Variants in MARK4 observed in about 807,000 individuals in gnomAD.
MARK4 encodes MAP/microtubule affinity-regulating kinase 4.
Under a neutral mutation model 81.5 loss-of-function variants are expected in MARK4, and 19 were observed. The observed-to-expected ratio is 0.23, with a 90% CI of 0.16 to 0.34. MARK4 has a LOEUF of 0.34. Ranked by LOEUF, MARK4 falls within the 10% of genes least tolerant of loss-of-function variation. The pLI, the probability that MARK4 is intolerant of heterozygous loss-of-function variation, is 1.00. For synonymous variants in MARK4, 436 were observed against 439.0 expected (o/e 0.99, Z 0.08); for missense variants, 772 against 1,058.8 (o/e 0.73, Z 3.76).
chr19:45,287,219 A>T (rs1970754421), intron 12 of MARK4, among the ~76,000 whole-genome samples: 1 of 151,864 alleles, frequency 6.6e-6, no homozygotes, highest in Non-Finnish European at 1.5e-5. Context: ...AAAAAAAAAA[A>T]AAAGAAGGTG....
At position 45,258,717 on chromosome 19, in the gene MARK4, CAAG is replaced by C. The variant is rs535850782; in HGVS notation, c.52-271_52-269del. Among the ~76,000 whole-genome samples, 6 of 151,160 alleles carry C rather than the reference CAAG, an allele frequency of 4.0e-5. No homozygotes were observed. In the South Asian group the frequency reaches 1.3e-3, roughly 32 times the overall value. On this transcript the variant is annotated intron_variant, in intron 1 of 16. Transcript: ENST00000262891. ...TCCATCCGAAGGAAAAAAAAAAAGA[CAAG>C]GAGGTTGGGGGTAGTCAGACTGCAG...
At chr19:45,295,358 C>CA (rs888838866) in intron 14 of MARK4, among the ~76,000 whole-genome samples, 13 of 143,832 alleles carry the variant, frequency 9.0e-5, no homozygotes, top group Middle Eastern at 3.5e-3. Flanking sequence ...GACTCCATCT[C>CA]AAAAAAAAAA....
rs905015510 is a variant in MARK4 at position 45,302,906 on chromosome 19, G to A, written c.*196G>A. On this transcript the variant is annotated 3_prime_UTR_variant, in exon 17 of 17. Transcript: ENST00000262891. The surrounding 1 kb of genome is among the most constrained non-coding windows in gnomAD (Gnocchi z 4.9). ...AGAAGAAGGATGAGGGGGCTCAGCG[G>A]GGGGAGCTGGCACCTTCCTGGAGCC... The A allele has an allele frequency of 1.2e-6, 1 of 840,446 alleles. No homozygotes were observed. The highest frequency in any genetic ancestry group is 1.7e-6 in the Non-Finnish European group (1 of 575,102). 52.1% of individuals were successfully genotyped at this position (840,446 alleles called of 1,614,324 possible).
chr19:45,277,315 C>T (rs900427992), intron 8 of MARK4, among the ~76,000 whole-genome samples: 5 of 151,990 alleles, frequency 3.3e-5, no homozygotes, highest in African/African-American at 9.7e-5. Flanking sequence ...TGACCTCAGG[C>T]GATCTGCCTG....
intron 7 of MARK4, among the ~76,000 whole-genome samples, chr19:45,267,031 C>T (rs776584215): frequency 4.0e-5 from 6 of 151,874 alleles, no homozygotes; most frequent in African/African-American, 9.7e-5. Flanking sequence ...GGCACCTGGC[C>T]GGGAATCTGA....
At chr19:45,282,746 C>T (rs1422159991) in intron 12 of MARK4, among the ~76,000 whole-genome samples, 2 of 151,766 alleles carry the variant, frequency 1.3e-5, no homozygotes. Context: ...ATTGCTTGAA[C>T]CTGGGAGGTG....
Position 45,294,379 on chromosome 19 carries a change from A to C in MARK4, c.1525A>C (p.Arg509=). ...NNLPPSMMTR[R]NTYVCTERPG... ...CCTCCCTCCTAGCATGATGACCCGC[A>C]GAAACACCTACGTTTGCACAGAACG... Residue 509 remains arginine (R), a synonymous_variant, in exon 14 of 17, where the codon AGA becomes CGA. Coordinates refer to ENST00000262891, the MANE Select transcript of MARK4 (RefSeq NM_001199867.2). 1 of 1,614,158 alleles carries C rather than the reference A, an allele frequency of 6.2e-7. No individual in the cohort carries two copies. Among genetic ancestry groups the C allele is most frequent in the South Asian group, 1.1e-5 (1 of 91,082 alleles).
intron 11 of MARK4, 37 bp from the exon 12 acceptor site, chr19:45,280,538 G>A (rs374711396): frequency 7.5e-5 from 121 of 1,614,020 alleles, no homozygotes; most frequent in African/African-American, 4.7e-4. Context: ...GGAGGGACTT[G>A]GGGTGCAGAA....
Position 45,297,866 on chromosome 19 carries a change from C to G in MARK4, c.1789C>G (p.Leu597Val). 2.6e-6 allele frequency: 4 copies of G among 1,548,020 alleles called. No homozygotes were observed. Among genetic ancestry groups the G allele is most frequent in the Non-Finnish European group, 3.5e-6 (4 of 1,145,944 alleles). ...VQNGPPASPT[L>V]AHEAAPLPAG... is the part of the protein sequence containing the mutation. ...GAATGGGCCCCCTGCCTCTCCCACA[C>G]TGGCCCATGAGGCTGCACCCCTGCC... The change falls in exon 15 of 17, where the codon CTG (leucine) becomes GTG (valine). Residue 597 changes from leucine to valine, a missense_variant. Leu to Val is a conservative substitution (Grantham distance 32). Transcript: ENST00000262891.
At chr19:45,267,205 C>A (rs949362000) in intron 7 of MARK4, among the ~76,000 whole-genome samples, 4 of 152,102 alleles carry the variant, frequency 2.6e-5, no homozygotes, top group African/African-American at 9.7e-5. Context: ...GTCACAGGCA[C>A]CTGTCACCAT....
intron 7 of MARK4, among the ~76,000 whole-genome samples, chr19:45,270,216 C>T (rs760456289): frequency 3.5e-4 from 53 of 152,232 alleles, no homozygotes; most frequent in Middle Eastern, 6.8e-3. Context: ...AGGCAGGTGT[C>T]GAGATCACCC....
intron 15 of MARK4, among the ~76,000 whole-genome samples, chr19:45,298,540 G>T (rs1398341591): frequency 6.6e-6 from 1 of 152,160 alleles, no homozygotes; most frequent in African/African-American, 2.4e-5. Flanking sequence ...TGGACTGAGC[G>T]TAGAACATTG....
At chr19:45,300,297 T>C (rs1478151329) in intron 16 of MARK4, among the ~76,000 whole-genome samples, 4 of 135,012 alleles carry the variant, frequency 3.0e-5, no homozygotes, top group Non-Finnish European at 6.2e-5. Flanking sequence ...GTGAGCTGGA[T>C]TGTGCCATCG....
intron 15 of MARK4, among the ~76,000 whole-genome samples, chr19:45,298,535 T>C (rs1018533118): frequency 1.1e-4 from 17 of 152,228 alleles, no homozygotes; most frequent in Non-Finnish European, 2.1e-4. Context: ...ACGTATGGAC[T>C]GAGCGTAGAA....
intron 2 of MARK4, among the ~76,000 whole-genome samples, chr19:45,260,003 C>CT (rs1170073608): frequency 3.3e-5 from 5 of 151,978 alleles, no homozygotes; most frequent in African/African-American, 1.2e-4. Flanking sequence ...AGGAGAATCG[C>CT]TTGAACCCAG....
chr19:45,255,559 CAAAAAAAAAA>C (rs34066317), intron 1 of MARK4, among the ~76,000 whole-genome samples: 63 of 90,264 alleles, frequency 7.0e-4, no homozygotes, highest in African/African-American at 2.3e-3. Flanking sequence ...GAAACTCTGC[CAAAAAAAAAA>C]AAAAAAAAAA....
At chr19:45,258,054 C>T (rs950244452) in intron 1 of MARK4, among the ~76,000 whole-genome samples, 10 of 149,504 alleles carry the variant, frequency 6.7e-5, no homozygotes, top group East Asian at 2.0e-4. Flanking sequence ...AGAGCGATCT[C>T]GGCTCACTAC....
intron 1 of MARK4, among the ~76,000 whole-genome samples, chr19:45,258,179 T>G (rs8110992): frequency 0.44 from 66,412 of 149,940 alleles, 15,898 homozygotes; most frequent in Non-Finnish European, 0.55. Context: ...AGAGATGGGG[T>G]TTTCACCATA....
chr19:45,271,538 T>C lies in MARK4; in HGVS notation c.616T>C (p.Phe206Leu). Reference protein sequence around the residue: ...KIADFGFSNEFTLGSKLDTFC... With the variant: ...KIADFGFSNELTLGSKLDTFC... ...TGCTGACTTTGGCTTCAGCAACGAG[T>C]TCACGCTGGGATCGAAGCTGGACAC... The change falls in exon 8 of 17, where the codon TTC becomes CTC. Residue 206 changes from phenylalanine (F) to leucine (L), a missense_variant. Transcript: ENST00000262891. The surrounding 1 kb of genome is among the most constrained non-coding windows in gnomAD (Gnocchi z 4.1). The C allele has an allele frequency of 6.2e-7, 1 of 1,614,074 alleles. No individual in the cohort carries two copies. Among genetic ancestry groups the C allele is most frequent in the Non-Finnish European group, 8.5e-7 (1 of 1,179,990 alleles).
Sources: gnomAD v4.1 joint callset for allele counts (sites outside exome capture counted in the v4.1 genomes callset) on GRCh38, gnomAD v4.1.1 for gene constraint, Gnocchi (gnomAD v3.1) non-coding constraint, MANE v1.5 for transcripts, NCBI Gene and HGNC (gene_info 2026-07-23, HGNC 2026-07-21) for gene names.